The following WASHC2C variants were observed in gnomAD, a reference collection of about 807,000 sequenced individuals.
WASHC2C encodes Vaccinia Penetration Factor.
In WASHC2C, 73 loss-of-function variants were observed where a neutral mutation model predicts 142.2. The ratio of observed to expected loss-of-function variants is 0.51; its 90% CI spans 0.43 to 0.62. The LOEUF (loss-of-function observed/expected upper bound fraction) is 0.62. Ranked by LOEUF, WASHC2C falls within the 20% of genes least tolerant of loss-of-function variation. The pLI is 0.00. For missense variants in WASHC2C, 969 were observed against 1,531.7 expected (o/e 0.63, Z 6.13); for synonymous variants, 337 against 565.5 (o/e 0.60, Z 5.73).
At chr10:45,733,708 AC>A (rs1259564716) in intron 3 of WASHC2C, among the ~76,000 whole-genome samples, 1 of 152,096 alleles carries the variant, frequency 6.6e-6, no homozygotes, top group East Asian at 1.9e-4. Context: ...CTGATGGGTA[AC>A]CATGGTAGCT....
At position 45,733,809 on chromosome 10, in the gene WASHC2C, G is replaced by C. The variant is rs545645790; in HGVS notation, c.292-4174G>C. Among the ~76,000 whole-genome samples, 659 of 152,194 alleles carry C rather than the reference G, an allele frequency of 4.3e-3. 8 individuals carry two copies. The highest frequency in any genetic ancestry group is 0.015 in the African/African-American group (630 of 41,482). On this transcript the variant is annotated intron_variant, in intron 3 of 30. Transcript: ENST00000623400. ...ACCAAAGTAATCCCTGATCTTTATAGAGCAATTAGGAAAAGTAAGAAAAAG... is the reference window on the plus strand; with the variant it reads ...ACCAAAGTAATCCCTGATCTTTATACAGCAATTAGGAAAAGTAAGAAAAAG...
chr10:45,727,504 A>T lies in WASHC2C; in HGVS notation c.91A>T (p.Ser31Cys). ...RPWSVEEIRR[S>C]SQSWSLAADA... ...GTGGTCGGTGGAGGAGATCCGCAGG[A>T]GCAGCCAGAGCTGGTCGCTGGCGGC... Residue 31 changes from serine (S) to cysteine (C), a missense_variant, in exon 2 of 31, where the codon AGC (serine) becomes TGC (cysteine). Physicochemically the swap from Ser to Cys is moderately radical, Grantham distance 112. Coordinates refer to ENST00000623400, the MANE Select transcript of WASHC2C (RefSeq NM_001330074.2). 1 of 1,602,174 alleles carries T rather than the reference A, an allele frequency of 6.2e-7. No homozygotes were observed. The highest frequency in any genetic ancestry group is 8.5e-7 in the Non-Finnish European group (1 of 1,175,948).
intron 19 of WASHC2C, among the ~76,000 whole-genome samples, chr10:45,768,546 T>C (rs1434954331): frequency 1.3e-5 from 2 of 152,162 alleles, no homozygotes; most frequent in Non-Finnish European, 2.9e-5. Flanking sequence ...GACTCTAGAC[T>C]CCAGAGATAG....
intron 4 of WASHC2C, 88 bp downstream of exon 4, chr10:45,738,133 T>C (rs2051506837): frequency 6.2e-7 from 1 of 1,603,354 alleles, no homozygotes; most frequent in African/African-American, 1.3e-5. Flanking sequence ...TGGGGGATGG[T>C]GGGTGGGGTT....
At chr10:45,730,733 C>T (rs2050468456) in intron 3 of WASHC2C, among the ~76,000 whole-genome samples, 1 of 151,656 alleles carries the variant, frequency 6.6e-6, no homozygotes, top group Admixed American at 6.6e-5. Context: ...CATTCTCCTG[C>T]CTCAACCTTC....
rs1215601437 is a variant in WASHC2C, at chr10:45,792,649, C to T, written c.*249C>T. 1.8e-6 allele frequency: 1 copy of T among 557,632 alleles called. No individual in the cohort carries two copies. The highest frequency in any genetic ancestry group is 3.3e-6 in the Non-Finnish European group (1 of 301,560). 34.5% of individuals were successfully genotyped at this position (557,632 alleles called of 1,614,324 possible). ...CCACAGTTTGATTTAGTTAGCCTTGCTGGGGCCATAATATGCTTCAGGGTG... is the reference window on the plus strand; with the variant it reads ...CCACAGTTTGATTTAGTTAGCCTTGTTGGGGCCATAATATGCTTCAGGGTG... On this transcript the variant is annotated 3_prime_UTR_variant, in exon 31 of 31. Coordinates refer to ENST00000623400, the MANE Select transcript of WASHC2C (RefSeq NM_001330074.2).
At chr10:45,790,115 G>T (rs1320685697) in intron 29 of WASHC2C, among the ~76,000 whole-genome samples, 1 of 152,194 alleles carries the variant, frequency 6.6e-6, no homozygotes, top group Admixed American at 6.5e-5. Flanking sequence ...GGGCTGGGAG[G>T]TGCTCCTTTA....
At chr10:45,772,921 G>A (rs1202716409) in intron 20 of WASHC2C, among the ~76,000 whole-genome samples, 1 of 151,902 alleles carries the variant, frequency 6.6e-6, no homozygotes, top group Non-Finnish European at 1.5e-5. Context: ...GATTCTTTTT[G>A]TGCTATAGGA....
intron 12 of WASHC2C, 129 bp downstream of exon 12, chr10:45,752,835 A>G: frequency 1.7e-6 from 1 of 604,578 alleles, no homozygotes. Context: ...CTATTTTCAT[A>G]TTTTGGGACA....
At chr10:45,752,357 G>C (rs1238798710) in intron 11 of WASHC2C, among the ~76,000 whole-genome samples, 9,271 of 108,536 alleles carry the variant, frequency 0.085, no homozygotes, top group Middle Eastern at 0.19. Context: ...TGAATGCTGT[G>C]TGCCACAGAC....
At chr10:45,750,465 A>G (rs1554873813) in intron 9 of WASHC2C, among the ~76,000 whole-genome samples, 1 of 152,110 alleles carries the variant, frequency 6.6e-6, no homozygotes, top group Admixed American at 6.6e-5. Flanking sequence ...CTGTCTCTCC[A>G]CCCATTCACC....
At chr10:45,731,307 G>A (rs1404103264) in intron 3 of WASHC2C, among the ~76,000 whole-genome samples, 3 of 127,166 alleles carry the variant, frequency 2.4e-5, no homozygotes, top group Admixed American at 8.1e-5. Context: ...TGCAACATCC[G>A]CCTCCCGTGT....
chr10:45,749,686 C>T (rs1334464058), intron 8 of WASHC2C, among the ~76,000 whole-genome samples: 2 of 150,130 alleles, frequency 1.3e-5, no homozygotes, highest in East Asian at 3.9e-4. Flanking sequence ...ATTTGCTGGG[C>T]GTAGTGGTGC....
chr10:45,748,496 G>A (rs2053134692), intron 8 of WASHC2C, among the ~76,000 whole-genome samples: 1 of 152,156 alleles, frequency 6.6e-6, no homozygotes, highest in Non-Finnish European at 1.5e-5. Context: ...CGCCATGTTG[G>A]CGCGGCTGGT....
At position 45,759,626 on chromosome 10, in the gene WASHC2C, C is replaced by T. The variant is rs1189847300; in HGVS notation, c.1635+225C>T. Among the ~76,000 whole-genome samples the T allele has an allele frequency of 2.6e-5, 4 of 152,066 alleles. No individual in the cohort carries two copies. The East Asian group carries it at 7.7e-4, about 29-fold the overall frequency. ...CTGAGGTCAGGAGTTGGAGACCAGG[C>T]TGGCCAACATGATGAAACCCTGTCT... On this transcript the variant is annotated intron_variant, in intron 17 of 30. Coordinates refer to ENST00000623400, the MANE Select transcript of WASHC2C (RefSeq NM_001330074.2).
At chr10:45,790,587 G>C in intron 30 of WASHC2C, 54 bp downstream of exon 30, 1 of 1,611,942 alleles carries the variant, frequency 6.2e-7, no homozygotes, top group Admixed American at 1.7e-5. Context: ...TCCATCACTT[G>C]GTATTTTTCC....
chr10:45,770,619 A>T (rs1564792436), intron 20 of WASHC2C, among the ~76,000 whole-genome samples: 1 of 152,246 alleles, frequency 6.6e-6, no homozygotes, highest in Non-Finnish European at 1.5e-5. Flanking sequence ...TGATAGATTC[A>T]GAAGTACCTC....
At chr10:45,735,378 G>A (rs1472701414) in intron 3 of WASHC2C, among the ~76,000 whole-genome samples, 19 of 150,460 alleles carry the variant, frequency 1.3e-4, no homozygotes, top group Admixed American at 6.6e-4. Context: ...TACAGGCACC[G>A]GCCACCACAT....
intron 18 of WASHC2C, among the ~76,000 whole-genome samples, chr10:45,764,569 G>C (rs1361597255): frequency 1.3e-5 from 2 of 150,554 alleles, no homozygotes; most frequent in Non-Finnish European, 2.9e-5. Flanking sequence ...AGAGAGCACA[G>C]TGGGGAAGAG....
Sources: gnomAD v4.1 joint callset for allele counts (sites outside exome capture counted in the v4.1 genomes callset) on GRCh38, gnomAD v4.1.1 for gene constraint, MANE v1.5 for transcripts, NCBI Gene and HGNC (gene_info 2026-07-23, HGNC 2026-07-21) for gene names.